The following SEMA3C variants were observed in gnomAD, a reference collection of about 807,000 sequenced individuals.
SEMA3C encodes the protein semaphorin 3C, also known as semaphorin-3C.
In SEMA3C, 47 loss-of-function variants were observed where a neutral mutation model predicts 89.4. The ratio of observed to expected loss-of-function variants is 0.53; its 90% CI spans 0.42 to 0.67. SEMA3C has a LOEUF of 0.67. SEMA3C is among the 30% of genes least tolerant of loss of function. SEMA3C has a pLI of 0.00. For synonymous variants in SEMA3C, 310 were observed against 320.2 expected (o/e 0.97, Z 0.34); for missense variants, 839 against 929.1 (o/e 0.90, Z 1.26).
chr7:80,810,714 T>C lies in SEMA3C; in HGVS notation c.448-13A>G. On this transcript the variant is annotated splice_polypyrimidine_tract_variant and intron_variant, in intron 5 of 17. Transcript: ENST00000265361. ...TGAAAACTTGGTCCTTTATTGTAGA[T>C]AAAATTTAAAATGTGGCAATGATAA... 6.3e-7 allele frequency: 1 copy of C among 1,584,988 alleles called. No individual in the cohort carries two copies.
chr7:80,898,191 C>A (rs1791785217), intron 2 of SEMA3C, among the ~76,000 whole-genome samples: 1 of 151,826 alleles, frequency 6.6e-6, no homozygotes, highest in Non-Finnish European at 1.5e-5. Context: ...ATGCTGAACC[C>A]CGCGTGCCGA....
chr7:80,789,008 A>G (rs1472414063), intron 12 of SEMA3C, among the ~76,000 whole-genome samples: 1 of 152,190 alleles, frequency 6.6e-6, no homozygotes, highest in East Asian at 1.9e-4. Flanking sequence ...GAGAAATCAT[A>G]CAAATATCTT....
intron 2 of SEMA3C, among the ~76,000 whole-genome samples, chr7:80,829,356 A>C (rs2115820464): frequency 6.6e-6 from 1 of 151,938 alleles, no homozygotes; most frequent in East Asian, 1.9e-4. Context: ...TAAATAAACC[A>C]AAAAAAATAC....
At chr7:80,757,837 G>A (rs1275281660) in intron 15 of SEMA3C, among the ~76,000 whole-genome samples, 1 of 152,002 alleles carries the variant, frequency 6.6e-6, no homozygotes, top group East Asian at 1.9e-4. Flanking sequence ...CATAGTGGTG[G>A]GCACCTGTAA....
chr7:80,834,128 A>G (rs1790072856), intron 2 of SEMA3C, among the ~76,000 whole-genome samples: 1 of 152,156 alleles, frequency 6.6e-6, no homozygotes, highest in Non-Finnish European at 1.5e-5. Context: ...ATGTAGTATT[A>G]GAAAATGCAG....
At chr7:80,762,455 A>G (rs1393753524) in intron 13 of SEMA3C, among the ~76,000 whole-genome samples, 1 of 152,194 alleles carries the variant, frequency 6.6e-6, no homozygotes, top group Admixed American at 6.5e-5. Flanking sequence ...ATTTTCTGGA[A>G]TAGTACTATG....
At chr7:80,905,955 G>GTT (rs750720750) in intron 2 of SEMA3C, 41 of 1,082,054 alleles carry the variant, frequency 3.8e-5, no homozygotes, top group African/African-American at 6.7e-5. Flanking sequence ...ATTTTGTTTT[G>GTT]TTTTTTTTTT....
chr7:80,841,772 T>C (rs1269071771), intron 2 of SEMA3C, among the ~76,000 whole-genome samples: 2 of 152,140 alleles, frequency 1.3e-5, no homozygotes, highest in East Asian at 3.8e-4. Context: ...TTATAAACTA[T>C]ATACCATAAA....
intron 4 of SEMA3C, among the ~76,000 whole-genome samples, chr7:80,819,834 T>C (rs1039773513): frequency 6.6e-6 from 1 of 152,190 alleles, no homozygotes; most frequent in Non-Finnish European, 1.5e-5. Flanking sequence ...CCACAGTTAC[T>C]AGCTTCACTA....
intron 15 of SEMA3C, among the ~76,000 whole-genome samples, chr7:80,752,635 A>G (rs1344321685): frequency 6.8e-6 from 1 of 147,016 alleles, no homozygotes; most frequent in Non-Finnish European, 1.5e-5. Flanking sequence ...AAAAAAAAAT[A>G]CAATATTTGC....
At chr7:80,887,151 T>C (rs1562924185) in intron 2 of SEMA3C, among the ~76,000 whole-genome samples, 1 of 152,122 alleles carries the variant, frequency 6.6e-6, no homozygotes, top group Non-Finnish European at 1.5e-5. Context: ...GATCCAAAAT[T>C]TAAGGCATAA....
intron 8 of SEMA3C, 135 bp from the exon 9 acceptor site, chr7:80,802,914 T>C: frequency 1.8e-6 from 1 of 544,828 alleles, no homozygotes; most frequent in Non-Finnish European, 3.4e-6. Context: ...TGCACATCAG[T>C]TGTCAAAGAG....
chr7:80,821,391 T>G (rs1180384142), intron 4 of SEMA3C, among the ~76,000 whole-genome samples: 3 of 152,214 alleles, frequency 2.0e-5, no homozygotes, highest in African/African-American at 7.2e-5. Flanking sequence ...GCTTTATAAT[T>G]TGTCATTGGA....
At position 80,877,595 on chromosome 7, in the gene SEMA3C, T is replaced by C. The variant is rs191104155; in HGVS notation, c.103+39084A>G. On this transcript the variant is annotated intron_variant, in intron 2 of 17. Transcript: ENST00000265361. Reference sequence around the variant, plus strand: ...GGTCACTATACTTCAAACAGTATTTTATCTACATTTCTTTAAAATATACTT... The same window carrying C: ...GGTCACTATACTTCAAACAGTATTTCATCTACATTTCTTTAAAATATACTT... 1.5e-3 allele frequency among the ~76,000 whole-genome samples: 228 copies of C among 152,372 alleles called. 1 individual carries two copies. The highest frequency in any genetic ancestry group is 5.0e-3 in the African/African-American group (208 of 41,588).
At chr7:80,765,017 T>A in intron 13 of SEMA3C, 138 bp downstream of exon 13, 1 of 548,868 alleles carries the variant, frequency 1.8e-6, no homozygotes, top group East Asian at 3.1e-5. Context: ...TTTTATCTGG[T>A]GTTTTCCTAC....
intron 2 of SEMA3C, among the ~76,000 whole-genome samples, chr7:80,902,372 ACTT>A (rs1361899482): frequency 2.0e-5 from 3 of 152,232 alleles, no homozygotes; most frequent in South Asian, 2.1e-4. Flanking sequence ...TGTCCATAAG[ACTT>A]CTTATTTCTA....
At chr7:80,769,624 A>G (rs1788380640) in intron 12 of SEMA3C, among the ~76,000 whole-genome samples, 1 of 152,170 alleles carries the variant, frequency 6.6e-6, no homozygotes, top group African/African-American at 2.4e-5. Flanking sequence ...TTTGGAGGCC[A>G]AGATGGGCAG....
chr7:80,819,829 G>A (rs1214579913), intron 4 of SEMA3C, among the ~76,000 whole-genome samples: 1 of 152,160 alleles, frequency 6.6e-6, no homozygotes, highest in Non-Finnish European at 1.5e-5. Flanking sequence ...ATGTTCCACA[G>A]TTACTAGCTT....
At chr7:80,847,399 C>T (rs529038107) in intron 2 of SEMA3C, 3 of 152,142 alleles carry the variant, frequency 2.0e-5, no homozygotes, top group South Asian at 2.1e-4. Flanking sequence ...AATTCAGCCA[C>T]GCAAATACAA....
Sources: allele counts gnomAD v4.1 joint callset (sites outside exome capture counted in the v4.1 genomes callset), GRCh38; gene constraint gnomAD v4.1.1; transcripts MANE v1.5; gene names NCBI Gene and HGNC (gene_info 2026-07-23, HGNC 2026-07-21).